The following UNC13C variants were observed in gnomAD, a reference collection of about 807,000 sequenced individuals.
The protein encoded by UNC13C is protein unc-13 homolog C.
Under a neutral mutation model 245.4 loss-of-function variants are expected in UNC13C, and 174 were observed. That is an observed-to-expected ratio of 0.71 (90% CI 0.63 to 0.80). UNC13C has a LOEUF of 0.80. Ranked by LOEUF, UNC13C falls within the 30% of genes least tolerant of loss-of-function variation. UNC13C has a pLI of 0.00. For missense variants in UNC13C, 2,829 were observed against 2,602.9 expected, an observed-to-expected ratio of 1.09 and a Z score of -1.89; for synonymous variants, 992 against 895.1, an observed-to-expected ratio of 1.11 and a Z score of -1.93.
chr15:53,899,564 C>T, the UNC13C span, among the ~76,000 whole-genome samples: 13 of 152,078 alleles, frequency 8.5e-5, no homozygotes, highest in African/African-American at 2.2e-4. Flanking sequence ...CCAAAATGAG[C>T]GCTTAGCTGA....
the UNC13C span, among the ~76,000 whole-genome samples, chr15:53,847,910 T>G: frequency 6.6e-6 from 1 of 152,200 alleles, no homozygotes; most frequent in Non-Finnish European, 1.5e-5. Flanking sequence ...CATGCAAAGA[T>G]ACTTAAGCCA....
At position 54,628,440 on chromosome 15, in the gene UNC13C, T is replaced by TGTCA. The variant is rs962909955; in HGVS notation, c.*1329_*1332dup. On this transcript the variant is annotated 3_prime_UTR_variant, in exon 33 of 33. Coordinates refer to ENST00000260323, the MANE Select transcript of UNC13C (RefSeq NM_001080534.3). Reference sequence around the variant, plus strand: ...GTACAGAAGTGCTTAGTATCATGACTGTCAGAACCATTCTGCAACTGAGTA... The same window carrying TGTCA: ...GTACAGAAGTGCTTAGTATCATGACTGTCAGTCAGAACCATTCTGCAACTGAGTA... The TGTCA allele has an allele frequency of 2.6e-5, 4 of 151,774 alleles. No homozygotes were observed. The highest frequency in any genetic ancestry group is 5.9e-5 in the Non-Finnish European group (4 of 67,806). 9.4% of individuals were successfully genotyped at this position (151,774 alleles called of 1,614,324 possible). A position where few individuals can be genotyped will look rare whatever the true frequency, so the allele number is the denominator to read the frequency against.
chr15:54,608,169 A>G (rs917438133), intron 30 of UNC13C, among the ~76,000 whole-genome samples: 3 of 152,232 alleles, frequency 2.0e-5, no homozygotes, highest in Non-Finnish European at 4.4e-5. Context: ...TTTACTATAA[A>G]CATTAAATGA....
chr15:53,999,568 T>A (rs1034881477), intron 1 of UNC13C, among the ~76,000 whole-genome samples: 7 of 152,006 alleles, frequency 4.6e-5, no homozygotes, highest in Non-Finnish European at 1.0e-4. Context: ...CATTGACTTC[T>A]TCTCTTATTT....
At chr15:54,407,280 G>A (rs1023023885) in intron 18 of UNC13C, among the ~76,000 whole-genome samples, 2 of 152,088 alleles carry the variant, frequency 1.3e-5, no homozygotes, top group African/African-American at 2.4e-5. Flanking sequence ...ACTTGAATTA[G>A]GAACAGGGAA....
the UNC13C span, among the ~76,000 whole-genome samples, chr15:53,874,211 A>C: frequency 6.6e-6 from 1 of 152,088 alleles, no homozygotes; most frequent in Non-Finnish European, 1.5e-5. Context: ...CTTATAGTAA[A>C]AATAATAGCT....
At chr15:54,214,884 G>A (rs2034991914) in intron 4 of UNC13C, among the ~76,000 whole-genome samples, 2 of 151,828 alleles carry the variant, frequency 1.3e-5, no homozygotes, top group Admixed American at 1.3e-4. Flanking sequence ...TGACTTAGAT[G>A]TTTAAAAGCT....
chr15:54,014,226 CAAG>C lies in UNC13C; in HGVS notation c.1329_1331del (p.Lys443del), dbSNP rs746069739. On this transcript the variant is annotated inframe_deletion, in exon 2 of 33. Transcript: ENST00000260323. ...AGTTGTCTACTCCAGAGCCAAAAAT[CAAG>C]AAGAACAATTGGCAGTCACCTGATG... The C allele has an allele frequency of 3.1e-6, 5 of 1,613,756 alleles. No homozygotes were observed. The highest frequency in any genetic ancestry group is 2.5e-6 in the Non-Finnish European group (3 of 1,179,840).
At chr15:54,196,213 C>T (rs77969678) in intron 4 of UNC13C, among the ~76,000 whole-genome samples, 18 of 152,116 alleles carry the variant, frequency 1.2e-4, no homozygotes, top group African/African-American at 4.1e-4. Flanking sequence ...AATAAGGGAA[C>T]TTTTTACAGG....
intron 1 of UNC13C, among the ~76,000 whole-genome samples, chr15:54,006,667 T>C (rs1895150771): frequency 6.6e-6 from 1 of 152,180 alleles, no homozygotes; most frequent in Non-Finnish European, 1.5e-5. Flanking sequence ...GATAAAGACA[T>C]TCTAGAGGAT....
At chr15:54,362,466 G>A (rs1051902276) in intron 17 of UNC13C, among the ~76,000 whole-genome samples, 1 of 152,114 alleles carries the variant, frequency 6.6e-6, no homozygotes, top group Admixed American at 6.5e-5. Flanking sequence ...CTGAATTCAG[G>A]GTGGTGTTCC....
At chr15:53,963,203 C>T in the UNC13C span, among the ~76,000 whole-genome samples, 1 of 152,200 alleles carries the variant, frequency 6.6e-6, no homozygotes, top group Non-Finnish European at 1.5e-5. Flanking sequence ...CTCTCCCCCA[C>T]TTACACTCAC....
intron 29 of UNC13C, among the ~76,000 whole-genome samples, chr15:54,562,139 C>T (rs1400345822): frequency 6.6e-6 from 1 of 151,938 alleles, no homozygotes; most frequent in Non-Finnish European, 1.5e-5. Context: ...GCTTAAAACC[C>T]AATGCTGAGT....
chr15:53,934,025 T>C, the UNC13C span, among the ~76,000 whole-genome samples: 2 of 152,146 alleles, frequency 1.3e-5, no homozygotes, highest in African/African-American at 4.8e-5. Context: ...TGGCTTCTGG[T>C]GAGGCCTCAG....
chr15:54,117,912 C>G (rs1449760570), intron 2 of UNC13C, among the ~76,000 whole-genome samples: 5 of 151,984 alleles, frequency 3.3e-5, no homozygotes, highest in African/African-American at 4.8e-5. Flanking sequence ...GTGTCTTTTC[C>G]CTATTATATG....
intron 6 of UNC13C, among the ~76,000 whole-genome samples, chr15:54,236,955 T>C (rs989545210): frequency 2.0e-5 from 3 of 152,084 alleles, no homozygotes; most frequent in Admixed American, 6.6e-5. Context: ...CACTGCTGAG[T>C]TTCTTGTATT....
intron 14 of UNC13C, among the ~76,000 whole-genome samples, chr15:54,330,306 T>C (rs907369013): frequency 1.3e-5 from 2 of 152,098 alleles, no homozygotes; most frequent in Admixed American, 6.6e-5. Flanking sequence ...TTTGATTTAA[T>C]AAGCTGTCTA....
intron 18 of UNC13C, among the ~76,000 whole-genome samples, chr15:54,402,965 T>A (rs1029373850): frequency 1.3e-5 from 2 of 152,194 alleles, no homozygotes; most frequent in South Asian, 2.1e-4. Flanking sequence ...TTTGTAGAGA[T>A]AATGCACAGA....
At chr15:53,855,865 G>A in the UNC13C span, among the ~76,000 whole-genome samples, 1 of 152,120 alleles carries the variant, frequency 6.6e-6, no homozygotes, top group Non-Finnish European at 1.5e-5. Context: ...GAGTAGACAC[G>A]GTACCAACTC....
Sources: gnomAD v4.1 joint callset for allele counts (sites outside exome capture counted in the v4.1 genomes callset) on GRCh38, gnomAD v4.1.1 for gene constraint, MANE v1.5 for transcripts, NCBI Gene and HGNC (gene_info 2026-07-23, HGNC 2026-07-21) for gene names.